The following OLA1 variants were observed in gnomAD, a reference collection of about 807,000 sequenced individuals.
OLA1 encodes obg-like ATPase 1.
Under a neutral mutation model 48.4 loss-of-function variants are expected in OLA1, and 14 were observed. The observed-to-expected ratio is 0.29, with a 90% CI of 0.19 to 0.45. The LOEUF is 0.45. Among genes scored for constraint, OLA1 ranks in the 20% least tolerant of loss-of-function variants. The pLI, the probability that OLA1 is intolerant of heterozygous loss-of-function variation, is 1.00. For synonymous variants in OLA1, 127 were observed against 150.4 expected (o/e 0.84, Z 1.14); for missense variants, 325 against 467.1 (o/e 0.70, Z 2.80).
At chr2:174,202,767 T>C (rs1189586085) in intron 4 of OLA1, among the ~76,000 whole-genome samples, 3 of 152,216 alleles carry the variant, frequency 2.0e-5, no homozygotes, top group African/African-American at 7.2e-5. Flanking sequence ...ATTTTCCTTA[T>C]GATTTTCTTA....
At chr2:174,222,828 C>G (rs1688536941) in intron 4 of OLA1, among the ~76,000 whole-genome samples, 1 of 152,182 alleles carries the variant, frequency 6.6e-6, no homozygotes, top group Admixed American at 6.5e-5. Context: ...AATCTCAATG[C>G]AGCATATACT....
rs1226751278 is a variant in OLA1 at position 174,075,353 on chromosome 2, T to G, written c.*73A>C. The G allele has an allele frequency of 4.9e-6, 4 of 822,132 alleles. No individual in the cohort carries two copies. In the African/African-American group the frequency reaches 5.3e-5, roughly 11 times the overall value. The allele number at this position is 822,132 out of a possible 1,614,324, so 50.9% of individuals were successfully genotyped here. A position where few individuals can be genotyped will look rare whatever the true frequency, so the allele number is the denominator to read the frequency against. On this transcript the variant is annotated 3_prime_UTR_variant, in exon 11 of 11. Coordinates refer to ENST00000284719, the MANE Select transcript of OLA1 (RefSeq NM_013341.5). ...CCCAACTTTATTTGTCGCATTGGTT[T>G]TCAGAAATTTTAATTTTTTAAAAAT... is the stretch of plus-strand genomic sequence containing the variant.
intron 7 of OLA1, among the ~76,000 whole-genome samples, chr2:174,085,169 G>T (rs1018791246): frequency 3.9e-5 from 6 of 152,172 alleles, no homozygotes; most frequent in African/African-American, 1.4e-4. Flanking sequence ...GACAAAGAAA[G>T]GACAACTAGT....
At chr2:174,202,382 T>G (rs1351177752) in intron 4 of OLA1, among the ~76,000 whole-genome samples, 4 of 152,344 alleles carry the variant, frequency 2.6e-5, no homozygotes, top group Middle Eastern at 3.4e-3. Flanking sequence ...GTTGCGAGTA[T>G]CCGCTTAAGA....
At chr2:174,174,586 A>G (rs904854283) in intron 4 of OLA1, among the ~76,000 whole-genome samples, 1 of 152,022 alleles carries the variant, frequency 6.6e-6, no homozygotes, top group African/African-American at 2.4e-5. Flanking sequence ...CAAAATATTA[A>G]ACACCTAGGG....
chr2:174,092,020 G>A (rs1399870358), intron 7 of OLA1, among the ~76,000 whole-genome samples: 2 of 149,336 alleles, frequency 1.3e-5, no homozygotes, highest in African/African-American at 4.9e-5. Flanking sequence ...CCTGGCATTA[G>A]TGGATAGATA....
intron 5 of OLA1, chr2:174,124,321 A>T (rs529990425): frequency 3.3e-5 from 5 of 151,220 alleles, no homozygotes; most frequent in South Asian, 4.2e-4. Flanking sequence ...CTTTCAGAAC[A>T]TCTCTCTCTG....
At chr2:174,162,324 C>T (rs1345160118) in intron 4 of OLA1, among the ~76,000 whole-genome samples, 1 of 152,118 alleles carries the variant, frequency 6.6e-6, no homozygotes, top group African/African-American at 2.4e-5. Flanking sequence ...TAATCAAATG[C>T]AATGACCCTC....
In OLA1 at chr2:174,092,686, T is replaced by C. The variant is rs905807015; in HGVS notation, c.729-10622A>G. On this transcript the variant is annotated intron_variant, in intron 7 of 10. Transcript: ENST00000284719. ...CAAAAAGAACATTCAGAGAAGCATG[T>C]ATTATTCTTACATACCTTATCTACT... Among the ~76,000 whole-genome samples, 6 of 152,228 alleles carry C rather than the reference T, an allele frequency of 3.9e-5. No homozygotes were observed. In the South Asian group the frequency reaches 1.2e-3, roughly 32 times the overall value.
intron 2 of OLA1, among the ~76,000 whole-genome samples, chr2:174,235,763 C>T (rs980487539): frequency 7.9e-5 from 12 of 152,140 alleles, no homozygotes; most frequent in African/African-American, 2.7e-4. Context: ...TGCAGAGGGT[C>T]CCCTCAAGAA....
At chr2:174,124,908 C>A (rs2105368962) in intron 5 of OLA1, among the ~76,000 whole-genome samples, 1 of 152,182 alleles carries the variant, frequency 6.6e-6, no homozygotes, top group East Asian at 1.9e-4. Flanking sequence ...ATTTGAAACC[C>A]TCCAGGCAAA....
intron 1 of OLA1, chr2:174,247,681 G>A: frequency 6.4e-7 from 1 of 1,551,062 alleles, no homozygotes; most frequent in Non-Finnish European, 8.7e-7. Flanking sequence ...AGGTACTGGG[G>A]TCCTTCCACC....
At chr2:174,196,498 C>A (rs537664638) in intron 4 of OLA1, among the ~76,000 whole-genome samples, 2 of 152,222 alleles carry the variant, frequency 1.3e-5, no homozygotes, top group South Asian at 2.1e-4. Context: ...AATAGCTGCA[C>A]ACATTAAGTA....
intron 3 of OLA1, among the ~76,000 whole-genome samples, chr2:174,227,299 C>A (rs1009625094): frequency 6.6e-6 from 1 of 151,942 alleles, no homozygotes; most frequent in Non-Finnish European, 1.5e-5. Context: ...AACACATGAT[C>A]CTGGTTTAGA....
chr2:174,244,162 T>G (rs899550047), intron 2 of OLA1, among the ~76,000 whole-genome samples: 52 of 152,196 alleles, frequency 3.4e-4, no homozygotes, highest in Non-Finnish European at 2.9e-5. Flanking sequence ...CTCTTTTTCC[T>G]GCTGAAAACA....
At chr2:174,129,666 T>A (rs999382298) in intron 5 of OLA1, among the ~76,000 whole-genome samples, 1 of 152,066 alleles carries the variant, frequency 6.6e-6, no homozygotes, top group Admixed American at 6.6e-5. Context: ...TTTCCCTTTC[T>A]GCCTTCTTTT....
At chr2:174,226,185 C>T (rs1170078899) in intron 3 of OLA1, among the ~76,000 whole-genome samples, 2 of 34,586 alleles carry the variant, frequency 5.8e-5, no homozygotes, top group Non-Finnish European at 1.1e-4. Context: ...GGCGACAGAG[C>T]GAGACTCCGT....
intron 5 of OLA1, among the ~76,000 whole-genome samples, chr2:174,136,967 G>T (rs201375890): frequency 6.6e-6 from 1 of 152,000 alleles, no homozygotes; most frequent in Non-Finnish European, 1.5e-5. Flanking sequence ...GAGCCACCAC[G>T]CCCGGCCATG....
At chr2:174,202,148 C>T (rs563820963) in intron 4 of OLA1, among the ~76,000 whole-genome samples, 34 of 152,146 alleles carry the variant, frequency 2.2e-4, no homozygotes, top group African/African-American at 7.0e-4. Flanking sequence ...AGTCTATCAT[C>T]TACTAACATA....
Sources: allele counts gnomAD v4.1 joint callset (sites outside exome capture counted in the v4.1 genomes callset), GRCh38; gene constraint gnomAD v4.1.1; transcripts MANE v1.5; gene names NCBI Gene and HGNC (gene_info 2026-07-23, HGNC 2026-07-21).